The following CTNNA2 variants were observed in gnomAD, a reference collection of about 807,000 sequenced individuals.
The protein encoded by CTNNA2 is catenin alpha-2.
In CTNNA2, 42 loss-of-function variants were observed where a neutral mutation model predicts 101.0. The observed-to-expected ratio is 0.42, with a 90% confidence interval of 0.32 to 0.54. The LOEUF (loss-of-function observed/expected upper bound fraction) is 0.54, where lower values mean the gene tolerates loss of function less well. CTNNA2 is among the 20% of genes least tolerant of loss of function. The pLI is 0.14. For missense variants in CTNNA2, 871 were observed against 1,223.1 expected (o/e 0.71, Z 4.29); for synonymous variants, 450 against 456.4 (o/e 0.99, Z 0.18).
chr2:80,187,615 A>G lies in CTNNA2; in HGVS notation c.1057-205596A>G, dbSNP rs941124653. On this transcript the variant is annotated intron_variant, in intron 7 of 18. Coordinates refer to ENST00000402739, the MANE Select transcript of CTNNA2 (RefSeq NM_001282597.3). The stretch of plus-strand genomic sequence containing the variant: ...ATAGAATAAAGTAAGGCCTTGGGCT[A>G]CCATTGAACTTTACAAGGCAAAGGG... Among the ~76,000 whole-genome samples the G allele has an allele frequency of 1.5e-4, 23 of 152,216 alleles. No individual in the cohort carries two copies. In the East Asian group the frequency reaches 1.9e-3, roughly 13 times the overall value.
At chr2:80,619,534 T>G (rs1334578652) in intron 18 of CTNNA2, among the ~76,000 whole-genome samples, 1 of 151,906 alleles carries the variant, frequency 6.6e-6, no homozygotes, top group Non-Finnish European at 1.5e-5. Context: ...TATAGTCTCT[T>G]TGTGAGCTTC....
intron 3 of CTNNA2, among the ~76,000 whole-genome samples, chr2:79,344,629 T>C (rs1380008564): frequency 1.3e-5 from 2 of 151,858 alleles, no homozygotes; most frequent in Non-Finnish European, 2.9e-5. Context: ...CCTTTTTTAA[T>C]AAAGTCCAGT....
At chr2:80,436,642 C>G (rs1424048936) in intron 9 of CTNNA2, among the ~76,000 whole-genome samples, 1 of 152,114 alleles carries the variant, frequency 6.6e-6, no homozygotes, top group Admixed American at 6.6e-5. Context: ...GCTCACAGTT[C>G]CAGAGGCTGG....
In CTNNA2 at chr2:80,363,104, A is replaced by G. The variant is rs138285077; in HGVS notation, c.1057-30107A>G. Among the ~76,000 whole-genome samples, 54 of 152,210 alleles carry G rather than the reference A, an allele frequency of 3.5e-4. No individual in the cohort carries two copies. The East Asian group carries it at 9.9e-3, about 28-fold the overall frequency. On this transcript the variant is annotated intron_variant, in intron 7 of 18. Coordinates refer to ENST00000402739, the MANE Select transcript of CTNNA2 (RefSeq NM_001282597.3). ...TCAGAAATTGTATTTTTATAAAGACATGTCCTAAATAATTATTTTGGTTTA... is the reference window on the plus strand; with the variant it reads ...TCAGAAATTGTATTTTTATAAAGACGTGTCCTAAATAATTATTTTGGTTTA...
At chr2:80,323,616 A>G (rs1678942321) in intron 7 of CTNNA2, among the ~76,000 whole-genome samples, 1 of 150,446 alleles carries the variant, frequency 6.6e-6, no homozygotes, top group Admixed American at 6.6e-5. Context: ...CTGTACTTTC[A>G]TCCTCTCATT....
intron 4 of CTNNA2, among the ~76,000 whole-genome samples, chr2:79,488,494 A>G (rs1009675985): frequency 1.3e-5 from 2 of 152,164 alleles, no homozygotes; most frequent in South Asian, 2.1e-4. Context: ...AATGATAATC[A>G]GGAACCAACA....
chr2:79,574,703 G>C (rs1675679897), intron 1 of CTNNA2, among the ~76,000 whole-genome samples: 1 of 152,162 alleles, frequency 6.6e-6, no homozygotes, highest in African/African-American at 2.4e-5. Flanking sequence ...CTTTATGGTA[G>C]AATGATTTGT....
At chr2:80,357,709 C>T (rs532427352) in intron 7 of CTNNA2, among the ~76,000 whole-genome samples, 1 of 152,214 alleles carries the variant, frequency 6.6e-6, no homozygotes, top group African/African-American at 2.4e-5. Context: ...ATTTGGCACT[C>T]GAGCACTGAG....
At chr2:79,764,576 G>A (rs1673011483) in intron 3 of CTNNA2, among the ~76,000 whole-genome samples, 1 of 152,106 alleles carries the variant, frequency 6.6e-6, no homozygotes, top group Non-Finnish European at 1.5e-5. Flanking sequence ...CAATTCATCT[G>A]TAAGAAACAA....
At chr2:80,547,774 C>T (rs1692211400) in intron 11 of CTNNA2, among the ~76,000 whole-genome samples, 1 of 142,542 alleles carries the variant, frequency 7.0e-6, no homozygotes, top group Admixed American at 7.4e-5. Flanking sequence ...ATAGCAACTT[C>T]CGCCTCCCGG....
chr2:80,303,798 G>C lies in CTNNA2; in HGVS notation c.1057-89413G>C, dbSNP rs1387905522. On this transcript the variant is annotated intron_variant, in intron 7 of 18. Coordinates refer to ENST00000402739, the MANE Select transcript of CTNNA2 (RefSeq NM_001282597.3). This position sits in a 1 kb window ranked among gnomAD's most constrained non-coding sequence, Gnocchi z 7.7. ...CTCCTCAGCAGCCAGTATAGACAGA[G>C]ACCGAGCAGCAGGAAATCCATTAGC... The C allele has an allele frequency of 6.6e-7, 1 of 1,518,130 alleles. No homozygotes were observed. The highest frequency in any genetic ancestry group is 2.3e-5 in the East Asian group (1 of 43,898). 94.0% of individuals were successfully genotyped at this position (1,518,130 alleles called of 1,614,324 possible). A position where few individuals can be genotyped will look rare whatever the true frequency, so the allele number is the denominator to read the frequency against.
intron 2 of CTNNA2, among the ~76,000 whole-genome samples, chr2:79,734,423 A>G (rs1009417035): frequency 1.3e-5 from 2 of 152,136 alleles, no homozygotes; most frequent in Non-Finnish European, 2.9e-5. Context: ...TAGATACTCT[A>G]AGAGAAAAAT....
In CTNNA2 at chr2:79,666,867, T is replaced by C. The variant is rs80335611; in HGVS notation, c.102+15209T>C. Reference sequence around the variant, plus strand: ...GAGCAGAGTACATCTCCAGTTCACCTGTCTTCTCCTGGAGACAGAATGGCC... The same window carrying C: ...GAGCAGAGTACATCTCCAGTTCACCCGTCTTCTCCTGGAGACAGAATGGCC... On this transcript the variant is annotated intron_variant, in intron 2 of 18. Transcript: ENST00000402739. Among the ~76,000 whole-genome samples the C allele has an allele frequency of 5.1e-4, 78 of 152,342 alleles. No individual in the cohort carries two copies. In the East Asian group the frequency reaches 0.014, roughly 28 times the overall value.
chr2:80,494,919 A>C (rs928858472), intron 9 of CTNNA2, among the ~76,000 whole-genome samples: 1 of 152,190 alleles, frequency 6.6e-6, no homozygotes, highest in Non-Finnish European at 1.5e-5. Context: ...GATATGGCGT[A>C]ATTTTCCATT....
chr2:79,755,475 C>T (rs970115129), intron 3 of CTNNA2, among the ~76,000 whole-genome samples: 2 of 152,192 alleles, frequency 1.3e-5, no homozygotes, highest in African/African-American at 4.8e-5. Context: ...CATACACTGC[C>T]ACTCACTGTC....
At chr2:79,968,873 T>G (rs546950497) in intron 7 of CTNNA2, among the ~76,000 whole-genome samples, 1 of 152,292 alleles carries the variant, frequency 6.6e-6, no homozygotes, top group East Asian at 1.9e-4. Context: ...CCAGTGTTAT[T>G]CCAGATTTCA....
intron 9 of CTNNA2, among the ~76,000 whole-genome samples, chr2:80,461,866 A>G (rs1247221334): frequency 6.6e-6 from 1 of 152,180 alleles, no homozygotes; most frequent in East Asian, 1.9e-4. Context: ...TCAAAGATAT[A>G]TGCCCCAGGC....
intron 7 of CTNNA2, among the ~76,000 whole-genome samples, chr2:80,152,640 C>T (rs936036610): frequency 1.3e-5 from 2 of 150,708 alleles, no homozygotes; most frequent in Non-Finnish European, 1.5e-5. Flanking sequence ...CAAAAAGGGA[C>T]AAGAGAAATC....
At chr2:80,196,638 A>G (rs1175568339) in intron 7 of CTNNA2, among the ~76,000 whole-genome samples, 4 of 152,156 alleles carry the variant, frequency 2.6e-5, no homozygotes, top group African/African-American at 4.8e-5. Flanking sequence ...TTTCCTGCTG[A>G]AAAGTTTTAC....
Sources: allele counts gnomAD v4.1 joint callset (sites outside exome capture counted in the v4.1 genomes callset), GRCh38; gene constraint gnomAD v4.1.1; non-coding constraint Gnocchi (gnomAD v3.1); transcripts MANE v1.5; gene names NCBI Gene and HGNC (gene_info 2026-07-23, HGNC 2026-07-21).